The following ABCA1 variants were observed in gnomAD, a reference collection of about 807,000 sequenced individuals.
The protein encoded by ABCA1 is ATP binding cassette subfamily A member 1.
A neutral mutation model predicts 262.5 loss-of-function variants in ABCA1; 133 were observed. The ratio of observed to expected loss-of-function variants is 0.51; its 90% CI spans 0.44 to 0.59. The LOEUF (loss-of-function observed/expected upper bound fraction) is 0.59, where lower values mean the gene tolerates loss of function less well. Among genes scored for constraint, ABCA1 ranks in the 20% least tolerant of loss-of-function variants. ABCA1 has a pLI of 0.00. For synonymous variants in ABCA1, 1,022 were observed against 1,043.5 expected (o/e 0.98, Z 0.40); for missense variants, 2,452 against 2,777.5 (o/e 0.88, Z 2.63).
chr9:104,872,913 T>C (rs1837755912), intron 5 of ABCA1, among the ~76,000 whole-genome samples: 1 of 152,250 alleles, frequency 6.6e-6, no homozygotes, highest in South Asian at 2.1e-4. Flanking sequence ...CAATTGTGTT[T>C]TCTATTCTTG....
At chr9:104,843,781 G>A (rs994031471) in intron 8 of ABCA1, among the ~76,000 whole-genome samples, 1 of 151,778 alleles carries the variant, frequency 6.6e-6, no homozygotes, top group Non-Finnish European at 1.5e-5. Context: ...GGACAAACAA[G>A]TGCATTTATT....
intron 7 of ABCA1, among the ~76,000 whole-genome samples, chr9:104,847,373 A>C (rs187757869): frequency 6.6e-6 from 1 of 152,300 alleles, no homozygotes; most frequent in African/African-American, 2.4e-5. Flanking sequence ...CACATATCAC[A>C]GAGTTTTTAT....
At chr9:104,804,781 A>C in intron 31 of ABCA1, 61 bp from the exon 32 acceptor site, 1 of 1,419,404 alleles carries the variant, frequency 7.0e-7, no homozygotes, top group Non-Finnish European at 1.0e-6. Context: ...AACAGAAAAC[A>C]AATCAAGGAC....
chr9:104,896,201 T>C (rs544832977), intron 2 of ABCA1, among the ~76,000 whole-genome samples: 2 of 152,246 alleles, frequency 1.3e-5, no homozygotes, highest in African/African-American at 4.8e-5. Context: ...TCCTAAATAA[T>C]AGCATTGCTA....
intron 40 of ABCA1, among the ~76,000 whole-genome samples, chr9:104,793,770 T>C (rs1308322502): frequency 6.6e-6 from 1 of 152,144 alleles, no homozygotes; most frequent in African/African-American, 2.4e-5. Context: ...CATGTAACCA[T>C]TCCTTAAATT....
chr9:104,903,305 G>C (rs1057383593), intron 2 of ABCA1, among the ~76,000 whole-genome samples: 1 of 152,130 alleles, frequency 6.6e-6, no homozygotes, highest in Admixed American at 6.5e-5. Context: ...TGGCTCCCAG[G>C]GCTGCAGCAA....
At chr9:104,881,491 C>A (rs945633125) in intron 5 of ABCA1, among the ~76,000 whole-genome samples, 8 of 152,182 alleles carry the variant, frequency 5.3e-5, no homozygotes, top group Non-Finnish European at 8.8e-5. Flanking sequence ...AATCATAATT[C>A]ATATTCACTA....
rs572405590 is a variant in ABCA1 at position 104,787,014 on chromosome 9, GA to G, written c.6205-39del. ...TAAAATAAGTCTTATTTGCTGGGGG[GA>G]AAAAAAATCAAAGATAAATTTGTTT... On this transcript the variant is annotated intron_variant, in intron 46 of 49. Coordinates refer to ENST00000374736, the MANE Select transcript of ABCA1 (RefSeq NM_005502.4). The G allele has an allele frequency of 1.3e-3, 1,949 of 1,532,010 alleles. 3 individuals are homozygous for G. The highest frequency in any genetic ancestry group is 1.5e-3 in the Non-Finnish European group (1,713 of 1,123,008). The allele number at this position is 1,532,010 out of a possible 1,614,324, so 94.9% of individuals were successfully genotyped here. A position where few individuals can be genotyped will look rare whatever the true frequency, so the allele number is the denominator to read the frequency against.
rs779534760 is a variant in ABCA1, at chr9:104,810,877, C to A, written c.4098G>T (p.Leu1366=). 1.2e-6 allele frequency: 2 copies of A among 1,614,254 alleles called. No homozygotes were observed. Among genetic ancestry groups the A allele is most frequent in the Non-Finnish European group, 1.7e-6 (2 of 1,180,056 alleles). ...GGTACTTGCCAAAGGGTGGCACGAT[C>A]AGGCTGAACACAAGGGCAATGCAGA... ...VFVCIALVFS[L]IVPPFGKYPS... is the part of the protein sequence containing the mutation. The change falls in exon 29 of 50, where the codon CTG becomes CTT. Residue 1366 remains leucine, a synonymous_variant. Transcript: ENST00000374736.
intron 5 of ABCA1, among the ~76,000 whole-genome samples, chr9:104,880,626 CT>C (rs1329422632): frequency 2.0e-5 from 3 of 152,214 alleles, no homozygotes; most frequent in Admixed American, 2.0e-4. Context: ...GCATTTCCCC[CT>C]ATACTGAAGC....
intron 17 of ABCA1, 170 bp downstream of exon 17, chr9:104,825,513 T>C (rs1044243894): frequency 1.1e-5 from 8 of 714,204 alleles, no homozygotes; most frequent in Non-Finnish European, 2.0e-5. Flanking sequence ...GTACAAGTAG[T>C]GACAATTGTA....
rs145700970 is a variant in ABCA1, at chr9:104,894,069, C to A, written c.67-4874G>T. On this transcript the variant is annotated intron_variant, in intron 2 of 49. Transcript: ENST00000374736. The stretch of plus-strand genomic sequence containing the variant: ...AAGTTACGAGCCATAAGAAACTGCA[C>A]CAATGTTTGAACCCAGATCTACTGA... 5.1e-3 allele frequency among the ~76,000 whole-genome samples: 781 copies of A among 152,262 alleles called. 12 individuals carry two copies. The highest frequency in any genetic ancestry group is 0.018 in the African/African-American group (730 of 41,546).
At chr9:104,792,333 TG>T (rs1322943603) in intron 42 of ABCA1, among the ~76,000 whole-genome samples, 1 of 152,222 alleles carries the variant, frequency 6.6e-6, no homozygotes, top group Admixed American at 6.5e-5. Flanking sequence ...AGTAGAAATT[TG>T]TAATAAAAAT....
chr9:104,838,206 G>A (rs1485347170), intron 9 of ABCA1, among the ~76,000 whole-genome samples: 1 of 151,846 alleles, frequency 6.6e-6, no homozygotes, highest in Non-Finnish European at 1.5e-5. Flanking sequence ...ATGAGGCTGA[G>A]GCAGGAGAAT....
At position 104,903,740 on chromosome 9, in the gene ABCA1, C is replaced by A; in HGVS notation, c.-61G>T. 2 of 1,502,848 alleles carry A rather than the reference C, an allele frequency of 1.3e-6. No homozygotes were observed. Among genetic ancestry groups the A allele is most frequent in the Non-Finnish European group, 1.8e-6 (2 of 1,103,108 alleles). The allele number at this position is 1,502,848 out of a possible 1,614,324, so 93.1% of individuals were successfully genotyped here. A position where few individuals can be genotyped will look rare whatever the true frequency, so the allele number is the denominator to read the frequency against. Reference sequence around the variant, plus strand: ...GAGCCCTGGAAGGCAGCGGCCAGAGCTCACAGCAGGGACGCCGTGGCTGGT... The same window carrying A: ...GAGCCCTGGAAGGCAGCGGCCAGAGATCACAGCAGGGACGCCGTGGCTGGT... On this transcript the variant is annotated 5_prime_UTR_variant, in exon 2 of 50. Coordinates refer to ENST00000374736, the MANE Select transcript of ABCA1 (RefSeq NM_005502.4).
chr9:104,803,854 G>A (rs1385495901), intron 32 of ABCA1, among the ~76,000 whole-genome samples: 6 of 152,080 alleles, frequency 3.9e-5, no homozygotes, highest in South Asian at 2.1e-4. Context: ...TGATCCACCC[G>A]CCTTGGCCTC....
chr9:104,832,338 A>G (rs538995389), intron 12 of ABCA1, among the ~76,000 whole-genome samples: 1 of 152,360 alleles, frequency 6.6e-6, no homozygotes, highest in East Asian at 1.9e-4. Context: ...TCTTGAGCCT[A>G]TATAGAATAA....
chr9:104,798,501 C>T lies in ABCA1; in HGVS notation c.5041G>A (p.Val1681Ile). The T allele has an allele frequency of 6.2e-7, 1 of 1,614,170 alleles. No individual in the cohort carries two copies. The highest frequency in any genetic ancestry group is 8.5e-7 in the Non-Finnish European group (1 of 1,180,026). ...SFVVFLIQER[V>I]SKAKHLQFIS... The stretch of plus-strand genomic sequence containing the variant: ...AACTGCAGGTGTTTTGCTTTGCTGA[C>T]CCGCTCCTGGATCAGGAATACGACA... Residue 1681 changes from valine to isoleucine, a missense_variant, in exon 37 of 50, where the codon GTC (valine) becomes ATC (isoleucine). Transcript: ENST00000374736.
At chr9:104,798,302 A>C (rs1461242829) in intron 37 of ABCA1, 119 bp downstream of exon 37, 1 of 1,235,780 alleles carries the variant, frequency 8.1e-7, no homozygotes, top group Admixed American at 1.9e-5. Context: ...TTTCTTTTTC[A>C]TACATCTTTA....
Sources: gnomAD v4.1 joint callset for allele counts (sites outside exome capture counted in the v4.1 genomes callset) on GRCh38, gnomAD v4.1.1 for gene constraint, MANE v1.5 for transcripts, NCBI Gene and HGNC (gene_info 2026-07-23, HGNC 2026-07-21) for gene names.